The following GRIK5 variants were observed in gnomAD, a reference collection of about 807,000 sequenced individuals.
GRIK5 encodes the protein glutamate ionotropic receptor kainate type subunit 5, also known as glutamate receptor ionotropic, kainate 5.
A neutral mutation model predicts 97.4 loss-of-function variants in GRIK5; 43 were observed. That is an observed-to-expected ratio of 0.44 (90% CI 0.35 to 0.57). The LOEUF is 0.57. GRIK5 is among the 20% of genes least tolerant of loss of function. GRIK5 has a pLI of 0.01. For synonymous variants in GRIK5, 580 were observed against 583.5 expected (o/e 0.99, Z 0.09); for missense variants, 1,015 against 1,382.0 (o/e 0.73, Z 4.21).
At chr19:42,051,949 G>A (rs911262890) in intron 11 of GRIK5, among the ~76,000 whole-genome samples, 13 of 152,158 alleles carry the variant, frequency 8.5e-5, no homozygotes, top group Admixed American at 7.9e-4. Context: ...AGCTGACTCA[G>A]TCCCTCCTTT....
chr19:42,061,531 T>C (rs61195828), intron 5 of GRIK5, among the ~76,000 whole-genome samples: 45,494 of 151,980 alleles, frequency 0.3, 9,523 homozygotes, highest in African/African-American at 0.6. Context: ...GGAGCACAGT[T>C]CCTCCTTGCC....
chr19:42,027,361 TC>T (rs1346885820), intron 12 of GRIK5, among the ~76,000 whole-genome samples: 1 of 152,146 alleles, frequency 6.6e-6, no homozygotes, highest in Non-Finnish European at 1.5e-5. Flanking sequence ...GGGGGAAGGT[TC>T]CAGGCTGAGT....
chr19:42,005,594 A>G, intron 17 of GRIK5, 129 bp downstream of exon 17: 2 of 667,314 alleles, frequency 3.0e-6, no homozygotes, highest in Non-Finnish European at 2.7e-6. Flanking sequence ...GCCCAAGACC[A>G]TACAGCCAGG....
At chr19:42,015,842 A>G (rs2075617564) in intron 15 of GRIK5, among the ~76,000 whole-genome samples, 1 of 152,132 alleles carries the variant, frequency 6.6e-6, no homozygotes, top group South Asian at 2.1e-4. Context: ...GAGGGGCCTG[A>G]AGGCAGAGGA....
At chr19:42,068,752 G>A in intron 1 of GRIK5, 1 of 510,818 alleles carries the variant, frequency 2.0e-6, no homozygotes, top group Non-Finnish European at 3.5e-6. Context: ...GAGAGAAGTT[G>A]GGCAGAGTCA....
intron 11 of GRIK5, among the ~76,000 whole-genome samples, chr19:42,045,294 C>A (rs974129252): frequency 7.9e-5 from 12 of 152,304 alleles, no homozygotes; most frequent in African/African-American, 2.9e-4. Flanking sequence ...CGTGTGAATT[C>A]CAGAGTCTCA....
At chr19:42,009,274 T>C (rs1254427369) in intron 15 of GRIK5, among the ~76,000 whole-genome samples, 1 of 152,030 alleles carries the variant, frequency 6.6e-6, no homozygotes. Context: ...AGTCTCGCTC[T>C]GTCCCAAGCT....
intron 8 of GRIK5, among the ~76,000 whole-genome samples, chr19:42,055,899 T>A (rs902713078): frequency 5.9e-5 from 9 of 152,150 alleles, no homozygotes; most frequent in African/African-American, 2.2e-4. Context: ...GCCAGGCTGA[T>A]CTCGAACTCC....
chr19:42,024,109 C>T (rs1372915414), intron 12 of GRIK5, among the ~76,000 whole-genome samples: 1 of 152,134 alleles, frequency 6.6e-6, no homozygotes, highest in Non-Finnish European at 1.5e-5. Context: ...CTCTTCTTCC[C>T]CGTTCCAGGC....
rs1555871366 is a variant in GRIK5 at position 42,002,988 on chromosome 19, G to A, written c.2514+344C>T. On this transcript the variant is annotated intron_variant, in intron 19 of 19. Coordinates refer to ENST00000593562, the MANE Select transcript of GRIK5 (RefSeq NM_002088.5). The surrounding 1 kb of genome is among the most constrained non-coding windows in gnomAD (Gnocchi z 5.2). ...TGACCTCAGGTGATCCGCCAGCCTC[G>A]GCCTCCCAAAGTGCTGGGATTACAG... 2.0e-5 allele frequency among the ~76,000 whole-genome samples: 3 copies of A among 151,894 alleles called. No individual in the cohort carries two copies. The highest frequency in any genetic ancestry group is 6.6e-5 in the Admixed American group (1 of 15,246).
intron 15 of GRIK5, among the ~76,000 whole-genome samples, chr19:42,015,808 G>T (rs537278965): frequency 6.6e-6 from 1 of 152,232 alleles, no homozygotes; most frequent in Admixed American, 6.5e-5. Context: ...GAATGGCCAG[G>T]GTCCCTGTAG....
Position 42,065,093 on chromosome 19 carries a change from G to T in GRIK5, c.244+130C>A. The T allele has an allele frequency of 1.3e-6, 1 of 799,592 alleles. No individual in the cohort carries two copies. Among genetic ancestry groups the T allele is most frequent in the Non-Finnish European group, 1.9e-6 (1 of 512,974 alleles). The allele number at this position is 799,592 out of a possible 1,614,324, so 49.5% of individuals were successfully genotyped here. A position where few individuals can be genotyped will look rare whatever the true frequency, so the allele number is the denominator to read the frequency against. On this transcript the variant is annotated intron_variant, in intron 3 of 19. Coordinates refer to ENST00000593562, the MANE Select transcript of GRIK5 (RefSeq NM_002088.5). The surrounding 1 kb of genome is among the most constrained non-coding windows in gnomAD (Gnocchi z 5.8). Reference sequence around the variant, plus strand: ...CAGCCATGTCTGGGAAGAAGGCAGAGACAAACACAAAGAAGGGGGAGGATG... The same window carrying T: ...CAGCCATGTCTGGGAAGAAGGCAGATACAAACACAAAGAAGGGGGAGGATG...
chr19:42,015,062 G>A (rs1232219343), intron 15 of GRIK5, among the ~76,000 whole-genome samples: 5 of 152,142 alleles, frequency 3.3e-5, no homozygotes, highest in Non-Finnish European at 7.3e-5. Context: ...CAGGAATAAG[G>A]AGAGACATTA....
At chr19:42,018,668 CGGGGGGGGGGG>C (rs56212022) in intron 15 of GRIK5, among the ~76,000 whole-genome samples, 374 of 5,048 alleles carry the variant, frequency 0.074, 103 homozygotes, top group Non-Finnish European at 0.3. Flanking sequence ...CAAAAAAAAG[CGGGGGGGGGGG>C]GGGGGGGGAG....
chr19:42,065,143 C>T lies in GRIK5; in HGVS notation c.244+80G>A. ...GGAGCTAGAAGAGGACAAGGCCAGG[C>T]CAGAGGCCAGGGGCAGAGGGATGGA... On this transcript the variant is annotated intron_variant, in intron 3 of 19. Transcript: ENST00000593562. The surrounding 1 kb of genome is among the most constrained non-coding windows in gnomAD (Gnocchi z 5.8). 1 of 1,295,712 alleles carries T rather than the reference C, an allele frequency of 7.7e-7. No homozygotes were observed. Among genetic ancestry groups the T allele is most frequent in the South Asian group, 1.3e-5 (1 of 74,776 alleles). The allele number at this position is 1,295,712 out of a possible 1,614,324, so 80.3% of individuals were successfully genotyped here. A position where few individuals can be genotyped will look rare whatever the true frequency, so the allele number is the denominator to read the frequency against.
At chr19:42,061,143 G>T (rs2076253733) in intron 5 of GRIK5, among the ~76,000 whole-genome samples, 2 of 152,166 alleles carry the variant, frequency 1.3e-5, no homozygotes, top group Non-Finnish European at 1.5e-5. Flanking sequence ...CACCTCCCGG[G>T]TTCACGCCAT....
intron 12 of GRIK5, among the ~76,000 whole-genome samples, chr19:42,033,317 C>CAAAAAA (rs1006793815): frequency 2.4e-5 from 1 of 42,196 alleles, no homozygotes. Flanking sequence ...GACTCCGTCT[C>CAAAAAA]AAAAAAAAAA....
intron 6 of GRIK5, among the ~76,000 whole-genome samples, chr19:42,058,428 G>A (rs1033101643): frequency 2.7e-5 from 4 of 150,028 alleles, no homozygotes; most frequent in Admixed American, 2.0e-4. Context: ...TGATCCGCCC[G>A]CCTCAGCCTC....
Position 42,053,629 on chromosome 19 carries a change from G to C in GRIK5, c.1242C>G (p.Asn414Lys). The C allele has an allele frequency of 2.5e-6, 4 of 1,612,356 alleles. No homozygotes were observed. The highest frequency in any genetic ancestry group is 2.5e-6 in the Non-Finnish European group (3 of 1,178,396). Residue 414 changes from asparagine to lysine, a missense_variant, in exon 11 of 20, where the codon AAC becomes AAG. By Grantham distance (94) the Asn-to-Lys change is moderately conservative. Transcript: ENST00000593562. ...GGATGGTTGTGACCACCAGGGTCTT[G>C]TTGGCCAGTGTCTGCGACAGGTTGA... ...LDINLSQTLA[N>K]KTLVVTTILE...
Sources: gnomAD v4.1 joint callset for allele counts (sites outside exome capture counted in the v4.1 genomes callset) on GRCh38, gnomAD v4.1.1 for gene constraint, Gnocchi (gnomAD v3.1) non-coding constraint, MANE v1.5 for transcripts, NCBI Gene and HGNC (gene_info 2026-07-23, HGNC 2026-07-21) for gene names.